LRRC4C: variants seen among roughly 807,000 people sequenced by gnomAD.
The protein encoded by LRRC4C is leucine-rich repeat-containing protein 4C.
A neutral mutation model predicts 33.6 loss-of-function variants in LRRC4C; 5 were observed. The ratio of observed to expected loss-of-function variants is 0.15; its 90% CI spans 0.08 to 0.31. LRRC4C has a LOEUF of 0.31. LRRC4C is among the 10% of genes least tolerant of loss of function. The pLI, the probability that LRRC4C is intolerant of heterozygous loss-of-function variation, is 1.00. For missense variants in LRRC4C, 560 were observed against 796.7 expected, an observed-to-expected ratio of 0.70 and a Z score of 3.58; for synonymous variants, 329 against 302.0, an observed-to-expected ratio of 1.09 and a Z score of -0.93.
chr11:41,372,948 T>C (rs2137804630), intron 1 of LRRC4C, among the ~76,000 whole-genome samples: 1 of 152,294 alleles, frequency 6.6e-6, no homozygotes, highest in South Asian at 2.1e-4. Context: ...ATTTAGCTAT[T>C]TAGCAATAGA....
intron 4 of LRRC4C, among the ~76,000 whole-genome samples, chr11:40,266,686 G>A (rs890673553): frequency 9.2e-5 from 14 of 152,108 alleles, no homozygotes; most frequent in Admixed American, 2.6e-4. Context: ...TCTTCGGCAT[G>A]GGTATCTTAG....
At chr11:40,989,008 C>T (rs1194324666) in intron 1 of LRRC4C, among the ~76,000 whole-genome samples, 1 of 152,130 alleles carries the variant, frequency 6.6e-6, no homozygotes, top group Admixed American at 6.5e-5. Flanking sequence ...GCGTGAGCCA[C>T]CGCGCCTGGC....
At chr11:41,379,642 C>T (rs1263009233) in intron 1 of LRRC4C, among the ~76,000 whole-genome samples, 3 of 151,934 alleles carry the variant, frequency 2.0e-5, no homozygotes, top group Non-Finnish European at 2.9e-5. Context: ...TCACAGCTTT[C>T]TTTCTATTTC....
At chr11:40,348,647 C>T (rs1369189757) in intron 3 of LRRC4C, among the ~76,000 whole-genome samples, 5 of 152,166 alleles carry the variant, frequency 3.3e-5, no homozygotes, top group African/African-American at 7.2e-5. Context: ...AATGAGCCTC[C>T]ACCCTGCCTT....
At chr11:40,378,660 A>T (rs766434791) in intron 3 of LRRC4C, among the ~76,000 whole-genome samples, 10 of 152,096 alleles carry the variant, frequency 6.6e-5, no homozygotes, top group Non-Finnish European at 1.3e-4. Flanking sequence ...ATTGTCATAC[A>T]TCTTACTAGA....
chr11:41,065,130 G>C (rs192670255), intron 1 of LRRC4C, among the ~76,000 whole-genome samples: 29 of 152,176 alleles, frequency 1.9e-4, no homozygotes, highest in Non-Finnish European at 2.2e-4. Flanking sequence ...CACTCCCATG[G>C]AGCCCAGAAA....
chr11:40,171,268 C>A (rs1355076706), intron 5 of LRRC4C, among the ~76,000 whole-genome samples: 2 of 152,230 alleles, frequency 1.3e-5, no homozygotes, highest in East Asian at 1.9e-4. Flanking sequence ...GATATTTGTT[C>A]TTTCTGCATG....
intron 6 of LRRC4C, among the ~76,000 whole-genome samples, chr11:40,123,533 T>A (rs1257779029): frequency 6.6e-6 from 1 of 152,034 alleles, no homozygotes; most frequent in African/African-American, 2.4e-5. Context: ...ATTAAATAAC[T>A]GAAAGATCTC....
At chr11:40,163,727 T>C (rs936856669) in intron 5 of LRRC4C, among the ~76,000 whole-genome samples, 1 of 152,038 alleles carries the variant, frequency 6.6e-6, no homozygotes, top group African/African-American at 2.4e-5. Flanking sequence ...CCAAGCTAAG[T>C]ACAGTAGGCA....
intron 5 of LRRC4C, among the ~76,000 whole-genome samples, chr11:40,210,836 C>T (rs1289569550): frequency 2.0e-5 from 3 of 152,120 alleles, no homozygotes; most frequent in African/African-American, 7.2e-5. Flanking sequence ...GCAGTGGCAT[C>T]ATCTCAGGTC....
intron 2 of LRRC4C, among the ~76,000 whole-genome samples, chr11:40,920,418 GC>G (rs1271055449): frequency 2.0e-5 from 3 of 152,026 alleles, no homozygotes; most frequent in African/African-American, 7.2e-5. Context: ...CTATCTATAA[GC>G]CCACAAAGCA....
At chr11:40,570,219 A>G (rs1957927777) in intron 3 of LRRC4C, among the ~76,000 whole-genome samples, 1 of 152,100 alleles carries the variant, frequency 6.6e-6, no homozygotes, top group Non-Finnish European at 1.5e-5. Context: ...TTTTCTATGC[A>G]TTTTTATAGT....
chr11:41,222,784 G>C (rs1187611546), intron 1 of LRRC4C: 5 of 128,248 alleles, frequency 3.9e-5, no homozygotes, highest in Admixed American at 2.8e-4. Flanking sequence ...CTGGTATGGA[G>C]AAAGTGGCTC....
intron 4 of LRRC4C, among the ~76,000 whole-genome samples, chr11:40,276,488 G>A (rs1327890862): frequency 1.3e-5 from 2 of 152,078 alleles, no homozygotes; most frequent in Non-Finnish European, 2.9e-5. Context: ...TATGGAGCAG[G>A]CAATAATGAA....
At chr11:41,174,612 A>C (rs1323906996) in intron 1 of LRRC4C, among the ~76,000 whole-genome samples, 1 of 151,916 alleles carries the variant, frequency 6.6e-6, no homozygotes, top group Non-Finnish European at 1.5e-5. Context: ...TTCTGTCATC[A>C]TGTATTTACC....
chr11:40,616,986 GTCT>G (rs1961916198), intron 3 of LRRC4C, among the ~76,000 whole-genome samples: 1 of 151,214 alleles, frequency 6.6e-6, no homozygotes, highest in African/African-American at 2.4e-5. Flanking sequence ...CCAATAGCTG[GTCT>G]TCATTTCAGA....
Position 40,539,523 on chromosome 11 carries a change from C to T in LRRC4C, c.-270+108619G>A, listed in dbSNP as rs72885104. On this transcript the variant is annotated intron_variant, in intron 3 of 6. Coordinates refer to ENST00000528697, the MANE Select transcript of LRRC4C (RefSeq NM_001258419.2). ...TTTCAGTTTGTAGAAATCACCATCCCTATGTTAGTATCATATTCTTTATGT... is the reference window on the plus strand; with the variant it reads ...TTTCAGTTTGTAGAAATCACCATCCTTATGTTAGTATCATATTCTTTATGT... 3.6e-3 allele frequency among the ~76,000 whole-genome samples: 543 copies of T among 152,022 alleles called. 2 individuals are homozygous for T. The highest frequency in any genetic ancestry group is 6.0e-3 in the Non-Finnish European group (406 of 67,978).
intron 3 of LRRC4C, among the ~76,000 whole-genome samples, chr11:40,566,997 A>C (rs1205044499): frequency 6.6e-6 from 1 of 152,108 alleles, no homozygotes; most frequent in Admixed American, 6.6e-5. Context: ...ATAGTTCTTT[A>C]GATTTTGTAT....
chr11:40,194,459 T>C (rs1213161526), intron 5 of LRRC4C, among the ~76,000 whole-genome samples: 1 of 152,158 alleles, frequency 6.6e-6, no homozygotes, highest in Non-Finnish European at 1.5e-5. Flanking sequence ...AAAGAGTTCA[T>C]GTCCTTTACA....
Sources: allele counts gnomAD v4.1 joint callset (sites outside exome capture counted in the v4.1 genomes callset), GRCh38; gene constraint gnomAD v4.1.1; transcripts MANE v1.5; gene names NCBI Gene and HGNC (gene_info 2026-07-23, HGNC 2026-07-21).